The following NR2F1-AS1 variants were observed in gnomAD, a reference collection of about 807,000 sequenced individuals.
NR2F1-AS1 encodes NR2F1 regulatory antisense RNA 1, also known as NR2F1 antisense RNA 1.
intron 4 of NR2F1-AS1, among the ~76,000 whole-genome samples, chr5:93,467,213 T>G (rs1260897749): frequency 6.6e-6 from 1 of 152,200 alleles, no homozygotes; most frequent in Non-Finnish European, 1.5e-5. Context: ...TTGCCCAAAG[T>G]AATTTATAAA....
chr5:93,499,230 A>G (rs1415872117), intron 4 of NR2F1-AS1, among the ~76,000 whole-genome samples: 1 of 152,190 alleles, frequency 6.6e-6, no homozygotes, highest in Admixed American at 6.6e-5. Flanking sequence ...TTAACTACAG[A>G]AAACGGTGAC....
chr5:93,551,687 C>A (rs1752233824), intron 4 of NR2F1-AS1, among the ~76,000 whole-genome samples: 2 of 152,068 alleles, frequency 1.3e-5, no homozygotes, highest in South Asian at 4.1e-4. Context: ...CCTTTTCCAA[C>A]TTTAGACTGA....
At chr5:93,466,959 G>C (rs956211829) in intron 4 of NR2F1-AS1, among the ~76,000 whole-genome samples, 27 of 144,300 alleles carry the variant, frequency 1.9e-4, no homozygotes, top group Admixed American at 3.6e-4. Flanking sequence ...GGAGTGTAGT[G>C]GCACAATCTC....
At chr5:93,453,946 G>A (rs1256443850) in intron 4 of NR2F1-AS1, among the ~76,000 whole-genome samples, 1 of 152,150 alleles carries the variant, frequency 6.6e-6, no homozygotes, top group Non-Finnish European at 1.5e-5. Context: ...AAATATGTGA[G>A]TAAAAATAAA....
At chr5:93,584,999 C>G (rs1326728402), upstream of NR2F1-AS1, 1 of 992,500 alleles carries the variant, frequency 1.0e-6, no homozygotes, top group Non-Finnish European at 1.2e-6. Context: ...CTCGGCTCCC[C>G]CCAGCGCTCC....
chr5:93,461,408 T>C (rs1181694364), intron 4 of NR2F1-AS1, among the ~76,000 whole-genome samples: 3 of 152,110 alleles, frequency 2.0e-5, no homozygotes, highest in Non-Finnish European at 4.4e-5. Flanking sequence ...GATGATGGGA[T>C]GATCTGTGCA....
upstream of NR2F1-AS1, chr5:93,585,070 C>T: frequency 9.7e-7 from 1 of 1,032,396 alleles, no homozygotes; most frequent in East Asian, 9.0e-5. Context: ...GACGACGTGG[C>T]CGGGGGCAAC....
At chr5:93,474,412 C>T (rs1005296610) in intron 4 of NR2F1-AS1, among the ~76,000 whole-genome samples, 1 of 152,146 alleles carries the variant, frequency 6.6e-6, no homozygotes. Flanking sequence ...CATCTTTCAG[C>T]AGGCTGTACC....
At chr5:93,572,461 T>C (rs762443428) in intron 1 of NR2F1-AS1, among the ~76,000 whole-genome samples, 5 of 152,218 alleles carry the variant, frequency 3.3e-5, no homozygotes, top group Non-Finnish European at 7.3e-5. Flanking sequence ...CCTCTTCGCC[T>C]ATCGGCCGGG....
intron 1 of NR2F1-AS1, chr5:93,570,354 T>C (rs1752723551): frequency 6.6e-6 from 1 of 152,222 alleles, no homozygotes; most frequent in Non-Finnish European, 1.5e-5. Flanking sequence ...GCAGGGCAAA[T>C]CGTTAGGCAC....
chr5:93,497,104 A>G (rs541969563), intron 4 of NR2F1-AS1, among the ~76,000 whole-genome samples: 2 of 150,926 alleles, frequency 1.3e-5, no homozygotes, highest in Non-Finnish European at 3.0e-5. Flanking sequence ...TTTTTTTTTC[A>G]GTTAATTCCT....
intron 4 of NR2F1-AS1, among the ~76,000 whole-genome samples, chr5:93,467,203 T>C (rs760963067): frequency 6.6e-6 from 1 of 152,174 alleles, no homozygotes; most frequent in Non-Finnish European, 1.5e-5. Context: ...AATGTCCATA[T>C]TGCCCAAAGT....
At chr5:93,574,835 GA>G (rs1352980923) in intron 1 of NR2F1-AS1, among the ~76,000 whole-genome samples, 1 of 152,172 alleles carries the variant, frequency 6.6e-6, no homozygotes, top group Non-Finnish European at 1.5e-5. Context: ...CAGCGGCTGG[GA>G]TTCTTCTACT....
chr5:93,461,172 T>C (rs1750082782), intron 4 of NR2F1-AS1, among the ~76,000 whole-genome samples: 1 of 152,196 alleles, frequency 6.6e-6, no homozygotes, highest in Non-Finnish European at 1.5e-5. Flanking sequence ...AACGAGATCA[T>C]GTCCTTTGCA....
At chr5:93,471,677 TTG>T (rs1281303752) in intron 4 of NR2F1-AS1, among the ~76,000 whole-genome samples, 1 of 151,848 alleles carries the variant, frequency 6.6e-6, no homozygotes, top group Non-Finnish European at 1.5e-5. Context: ...TAAACAAAGA[TTG>T]TTAGAAGCCA....
upstream of NR2F1-AS1, chr5:93,585,458 G>A: frequency 1.2e-6 from 2 of 1,613,416 alleles, no homozygotes; most frequent in Non-Finnish European, 1.7e-6. Context: ...GCCTCAAGAA[G>A]TGCCTCAAAG....
intron 1 of NR2F1-AS1, chr5:93,570,792 T>A (rs999629434): frequency 1.3e-5 from 2 of 152,020 alleles, no homozygotes; most frequent in Non-Finnish European, 2.9e-5. Context: ...CGCACTAGCG[T>A]CGACCTCCCG....
chr5:93,459,650 T>A (rs904851290), intron 4 of NR2F1-AS1, among the ~76,000 whole-genome samples: 1 of 152,204 alleles, frequency 6.6e-6, no homozygotes, highest in Non-Finnish European at 1.5e-5. Flanking sequence ...TAACATTTTT[T>A]AAATACTAGC....
rs757876839 is a variant in NR2F1-AS1, at chr5:93,422,938, C to CCAG, written n.639-27399_639-27397dup. On this transcript the variant is annotated intron_variant and non_coding_transcript_variant, in intron 4 of 5. Transcript: ENST00000660523. ...AGTGGTGAAGACAACAGCCCCTACC[C>CCAG]CAGCGGCTGGCAAAATTTCCTGAAG... 3.9e-5 allele frequency among the ~76,000 whole-genome samples: 6 copies of CCAG among 152,258 alleles called. No homozygotes were observed. In the East Asian group the frequency reaches 1.2e-3, roughly 29 times the overall value.
Sources: gnomAD v4.1 joint callset for allele counts (sites outside exome capture counted in the v4.1 genomes callset) on GRCh38, gnomAD v4.1.1 for gene constraint, MANE v1.5 for transcripts, NCBI Gene and HGNC (gene_info 2026-07-23, HGNC 2026-07-21) for gene names.